Variants in SEM1 observed in about 807,000 individuals in gnomAD.
SEM1 encodes SEM1 26S proteasome subunit.
A neutral mutation model predicts 12.7 loss-of-function variants in SEM1; 3 were observed. That is an observed-to-expected ratio of 0.24 (90% CI 0.11 to 0.61). SEM1 has a LOEUF of 0.61. Among genes scored for constraint, SEM1 ranks in the 20% least tolerant of loss-of-function variants. The pLI is 0.88. For missense variants in SEM1, 59 were observed against 81.3 expected (o/e 0.73, Z 1.06); for synonymous variants, 30 against 27.8 (o/e 1.08, Z -0.25).
At chr7:96,703,648 A>AT (rs66849008) in intron 1 of SEM1, among the ~76,000 whole-genome samples, 6,490 of 147,446 alleles carry the variant, frequency 0.044, 183 homozygotes, top group Non-Finnish European at 0.067. Flanking sequence ...AGCATATTCC[A>AT]TTTTTTTTTT....
chr7:96,496,735 A>G (rs953241365), upstream of SEM1, among the ~76,000 whole-genome samples: 2 of 152,192 alleles, frequency 1.3e-5, no homozygotes, highest in African/African-American at 4.8e-5. Context: ...TGATTTCTAC[A>G]TAATAAAAAT....
chr7:96,508,158 G>C (rs1032548392), intron 2 of SEM1, among the ~76,000 whole-genome samples: 2 of 152,016 alleles, frequency 1.3e-5, no homozygotes, highest in African/African-American at 4.8e-5. Context: ...AAGCAGATAG[G>C]AAAAAGAACA....
upstream of SEM1, among the ~76,000 whole-genome samples, chr7:96,497,006 TATAC>T (rs775854743): frequency 0.016 from 1,500 of 95,594 alleles, 15 homozygotes; most frequent in African/African-American, 0.059. Context: ...CACGAGCACG[TATAC>T]ACACACACAC....
Position 96,541,758 on chromosome 7 carries a change from G to A in SEM1, c.171-35060C>T, listed in dbSNP as rs559734068. Among the ~76,000 whole-genome samples, 3 of 151,598 alleles carry A rather than the reference G, an allele frequency of 2.0e-5. No individual in the cohort carries two copies. In the South Asian group the frequency reaches 6.2e-4, roughly 31 times the overall value. On this transcript the variant is annotated intron_variant and NMD_transcript_variant, in intron 2 of 3. Coordinates refer to the SEM1 transcript ENST00000466986. ...TATTTAAACCTGCAATCTATCTTGA[G>A]CTAATTTTTTTATATGGTAAAAGGT...
intron 2 of SEM1, among the ~76,000 whole-genome samples, chr7:96,541,501 C>T (rs1391667867): frequency 7.1e-6 from 1 of 141,324 alleles, no homozygotes; most frequent in Non-Finnish European, 1.5e-5. Flanking sequence ...AATATTAGAC[C>T]TTTGTTGGAT....
At chr7:96,642,618 T>C (rs1808650890) in intron 2 of SEM1, among the ~76,000 whole-genome samples, 1 of 151,986 alleles carries the variant, frequency 6.6e-6, no homozygotes, top group South Asian at 2.1e-4. Context: ...TCTGTAATAA[T>C]AGTAGGATAT....
rs1789195154 is a variant in SEM1 at position 96,667,282 on chromosome 7, C to T, written c.170+27516G>A. On this transcript the variant is annotated intron_variant, in intron 2 of 2. Coordinates refer to the SEM1 transcript ENST00000417009. ...AGACCAAATTACAGCCTTTGGCGGCCGGTTTCAGTCTGGTGGTTACGGCAA... is the reference window on the plus strand; with the variant it reads ...AGACCAAATTACAGCCTTTGGCGGCTGGTTTCAGTCTGGTGGTTACGGCAA... 2.0e-5 allele frequency among the ~76,000 whole-genome samples: 3 copies of T among 152,274 alleles called. 1 individual carries two copies. In the Middle Eastern group the frequency reaches 0.01, roughly 518 times the overall value.
chr7:96,709,701 C>T lies in SEM1; in HGVS notation c.63G>A (p.Glu21=). The T allele has an allele frequency of 6.2e-7, 1 of 1,613,638 alleles. No individual in the cohort carries two copies. The highest frequency in any genetic ancestry group is 8.5e-7 in the Non-Finnish European group (1 of 1,179,782). ...GLLEEDDEFE[E]FPAEDWAGLD... ...CCCAGCGGTTACCTTCGGCAGGGAA[C>T]TCTTCAAACTCGTCGTCTTCCTCTA... Residue 21 remains glutamate, a synonymous_variant, in exon 1 of 3, where the codon GAG becomes GAA. Coordinates refer to ENST00000248566, the MANE Select transcript of SEM1 (RefSeq NM_006304.2).
At chr7:96,600,113 G>A (rs908893408) in intron 2 of SEM1, among the ~76,000 whole-genome samples, 3 of 152,146 alleles carry the variant, frequency 2.0e-5, no homozygotes, top group Non-Finnish European at 4.4e-5. Flanking sequence ...ACTTTTAAAT[G>A]CCATTTCTGA....
intron 2 of SEM1, among the ~76,000 whole-genome samples, chr7:96,634,119 A>G (rs1253808653): frequency 6.6e-6 from 1 of 152,174 alleles, no homozygotes; most frequent in Non-Finnish European, 1.5e-5. Flanking sequence ...AAACACACAG[A>G]GTCTTTATGC....
chr7:96,618,785 CA>C (rs890055072), downstream of SEM1, among the ~76,000 whole-genome samples: 2 of 152,024 alleles, frequency 1.3e-5, no homozygotes, highest in African/African-American at 2.4e-5. Context: ...CCTATCTCTA[CA>C]AAAAAATTTA....
intron 2 of SEM1, among the ~76,000 whole-genome samples, chr7:96,541,436 T>TA (rs1804946529): frequency 7.4e-6 from 1 of 134,696 alleles, no homozygotes; most frequent in Non-Finnish European, 1.5e-5. Context: ...AATGGGTTTT[T>TA]TTTTTTGTTT....
chr7:96,661,754 G>A (rs188253222), intron 2 of SEM1, among the ~76,000 whole-genome samples: 276 of 152,232 alleles, frequency 1.8e-3, no homozygotes, highest in African/African-American at 6.4e-3. Context: ...TTGGGAGGCC[G>A]AGGCGGGCAG....
intron 2 of SEM1, among the ~76,000 whole-genome samples, chr7:96,572,408 CT>C (rs1212284706): frequency 6.6e-6 from 1 of 152,038 alleles, no homozygotes; most frequent in Non-Finnish European, 1.5e-5. Context: ...CTGCTTTCTC[CT>C]GTTGGCATCT....
At chr7:96,630,474 C>A (rs188180088) in intron 2 of SEM1, among the ~76,000 whole-genome samples, 108 of 152,188 alleles carry the variant, frequency 7.1e-4, no homozygotes, top group Admixed American at 3.0e-3. Flanking sequence ...CCTAACAGCT[C>A]TTCAGTCAGC....
chr7:96,698,667 G>C (rs1790173573), intron 1 of SEM1, among the ~76,000 whole-genome samples: 1 of 152,118 alleles, frequency 6.6e-6, no homozygotes, highest in African/African-American at 2.4e-5. Context: ...GTCCGTCACT[G>C]ATGGCCATTG....
intron 2 of SEM1, among the ~76,000 whole-genome samples, chr7:96,601,671 C>T (rs909843717): frequency 1.3e-5 from 2 of 152,062 alleles, no homozygotes; most frequent in African/African-American, 2.4e-5. Context: ...CTTTTACTGT[C>T]ACTGAGATTG....
intron 2 of SEM1, among the ~76,000 whole-genome samples, chr7:96,485,868 G>A (rs755387254): frequency 6.6e-6 from 1 of 151,910 alleles, no homozygotes; most frequent in Non-Finnish European, 1.5e-5. Flanking sequence ...AATCATATCT[G>A]CAAAATCTCT....
intron 2 of SEM1, among the ~76,000 whole-genome samples, chr7:96,681,483 C>T (rs1789610666): frequency 6.6e-6 from 1 of 152,006 alleles, no homozygotes; most frequent in Non-Finnish European, 1.5e-5. Flanking sequence ...AAACACCCAA[C>T]CTAAGATTTC....
Sources: allele counts gnomAD v4.1 joint callset (sites outside exome capture counted in the v4.1 genomes callset), GRCh38; gene constraint gnomAD v4.1.1; transcripts MANE v1.5; gene names NCBI Gene and HGNC (gene_info 2026-07-23, HGNC 2026-07-21).